Variants in KIAA0753 observed in about 807,000 individuals in gnomAD.
KIAA0753 encodes the protein protein moonraker.
Under a neutral mutation model 116.9 loss-of-function variants are expected in KIAA0753, and 114 were observed. The ratio of observed to expected loss-of-function variants is 0.98; its 90% CI spans 0.84 to 1.14. KIAA0753 has a LOEUF of 1.14. KIAA0753 is among the 50% of genes most tolerant of loss of function. The pLI is 0.00. For missense variants in KIAA0753, 1,156 were observed against 1,172.4 expected (o/e 0.99, Z 0.20); for synonymous variants, 405 against 413.1 (o/e 0.98, Z 0.24).
chr17:6,607,388 T>C (rs1418211163), intron 10 of KIAA0753, 118 bp from the exon 11 acceptor site: 2 of 752,022 alleles, frequency 2.7e-6, no homozygotes, highest in East Asian at 2.5e-5. Flanking sequence ...CCAGGCTCTA[T>C]TAAGCTACTC....
At chr17:6,611,067 G>T (rs1011115855) in intron 8 of KIAA0753, among the ~76,000 whole-genome samples, 2 of 152,192 alleles carry the variant, frequency 1.3e-5, no homozygotes, top group South Asian at 4.1e-4. Flanking sequence ...CTTTGGGCAA[G>T]ACCACCAAAT....
intron 12 of KIAA0753, among the ~76,000 whole-genome samples, chr17:6,601,585 T>C (rs1334973591): frequency 6.6e-6 from 1 of 152,178 alleles, no homozygotes; most frequent in East Asian, 1.9e-4. Context: ...TCAGATGGTG[T>C]TGGAATAGCC....
rs777406345 is a variant in KIAA0753, at chr17:6,607,246, A to G, written c.1854T>C (p.Thr618=). 3.7e-6 allele frequency: 6 copies of G among 1,613,974 alleles called. No homozygotes were observed. Among genetic ancestry groups the G allele is most frequent in the Non-Finnish European group, 4.2e-6 (5 of 1,180,012 alleles). The change falls in exon 11 of 19, where the codon ACT becomes ACC. Residue 618 remains threonine (T), a synonymous_variant. Coordinates refer to ENST00000361413, the MANE Select transcript of KIAA0753 (RefSeq NM_014804.3). ...CTTCTAGTTCCTTCAATCTTTTGGA[A>G]GTTTCAGCATCAAGCCAAGCGAGCC... is the stretch of plus-strand genomic sequence containing the variant. The part of the protein sequence containing the change: ...AARLAWLDAE[T]SKRLKELEEL...
chr17:6,585,683 C>T (rs1968524832), intron 18 of KIAA0753, among the ~76,000 whole-genome samples: 1 of 151,866 alleles, frequency 6.6e-6, no homozygotes, highest in Admixed American at 6.6e-5. Context: ...CTTTTTATTC[C>T]CTGGAAGTTC....
At chr17:6,630,015 A>C (rs1314817101) in intron 2 of KIAA0753, among the ~76,000 whole-genome samples, 1 of 152,082 alleles carries the variant, frequency 6.6e-6, no homozygotes, top group Non-Finnish European at 1.5e-5. Context: ...CCAGCTACTC[A>C]GGAGGCTGAG....
chr17:6,623,920 G>A (rs1451029892), intron 4 of KIAA0753: 2 of 183,126 alleles, frequency 1.1e-5, no homozygotes, highest in Non-Finnish European at 2.3e-5. Flanking sequence ...AAGTTACAGA[G>A]AGCCACTAAA....
At chr17:6,630,066 G>A (rs1162702999) in intron 2 of KIAA0753, among the ~76,000 whole-genome samples, 6 of 152,146 alleles carry the variant, frequency 3.9e-5, no homozygotes, top group South Asian at 4.1e-4. Flanking sequence ...AGGTTGCAGC[G>A]AGCTGAGACT....
intron 14 of KIAA0753, among the ~76,000 whole-genome samples, chr17:6,598,337 C>T (rs1284072585): frequency 6.6e-6 from 1 of 152,152 alleles, no homozygotes; most frequent in Non-Finnish European, 1.5e-5. Flanking sequence ...GAAGCCTCAC[C>T]TCACATCAGA....
chr17:6,628,223 T>C lies in KIAA0753; in HGVS notation c.612A>G (p.Ile204Met). The change falls in exon 3 of 19, where the codon ATA (isoleucine) becomes ATG (methionine). Residue 204 changes from isoleucine (I) to methionine (M), a missense_variant. By Grantham distance (10) the Ile-to-Met change is conservative. Coordinates refer to ENST00000361413, the MANE Select transcript of KIAA0753 (RefSeq NM_014804.3). ...GTTCACTTATGTTTTTGTGGTCACCTATCCTGGGATGAGGCTGAAGTCCCG... is the reference window on the plus strand; with the variant it reads ...GTTCACTTATGTTTTTGTGGTCACCCATCCTGGGATGAGGCTGAAGTCCCG... ...HDPGLQPHPR[I>M]GDHKNISEQK... is the part of the protein sequence containing the mutation. 1 of 1,610,562 alleles carries C rather than the reference T, an allele frequency of 6.2e-7. No homozygotes were observed. The highest frequency in any genetic ancestry group is 8.5e-7 in the Non-Finnish European group (1 of 1,177,978).
intron 2 of KIAA0753, among the ~76,000 whole-genome samples, chr17:6,634,020 G>A (rs1046185771): frequency 1.3e-5 from 2 of 151,202 alleles, no homozygotes; most frequent in African/African-American, 2.4e-5. Context: ...TGTACACATT[G>A]CAATGTGTAC....
rs1971257820 is a variant in KIAA0753 at position 6,620,720 on chromosome 17, GTAACTGTTATAGCCCAGA to G, written c.1315+50_1315+67del. 10 of 1,491,938 alleles carry G rather than the reference GTAACTGTTATAGCCCAGA, an allele frequency of 6.7e-6. No homozygotes were observed. In the East Asian group the frequency reaches 2.3e-4, roughly 34 times the overall value. 92.4% of individuals were successfully genotyped at this position (1,491,938 alleles called of 1,614,324 possible). A position where few individuals can be genotyped will look rare whatever the true frequency, so the allele number is the denominator to read the frequency against. On this transcript the variant is annotated intron_variant, in intron 7 of 18. Coordinates refer to ENST00000361413, the MANE Select transcript of KIAA0753 (RefSeq NM_014804.3). ...AAATCCTGACTTTCCCCTCAGTGCA[GTAACTGTTATAGCCCAGA>G]TAATTGTAATGAATAAAATGTCTTA...
At chr17:6,608,506 C>T (rs183079654) in intron 9 of KIAA0753, 42 bp from the exon 10 acceptor site, 25 of 1,144,132 alleles carry the variant, frequency 2.2e-5, no homozygotes, top group East Asian at 1.6e-4. Context: ...TCATTCACTC[C>T]GTATCCAATG....
At position 6,621,038 on chromosome 17, in the gene KIAA0753, G is replaced by A. The variant is rs8074991; in HGVS notation, c.1105-40C>T. On this transcript the variant is annotated intron_variant, in intron 6 of 18. Transcript: ENST00000361413. Reference sequence around the variant, plus strand: ...ATCAATTATTCTCTTAGTTTATCTCGCAAAAGTATGACTTTTAATCACAAA... The same window carrying A: ...ATCAATTATTCTCTTAGTTTATCTCACAAAAGTATGACTTTTAATCACAAA... 0.59 allele frequency: 934,220 copies of A among 1,582,370 alleles called. 279,164 individuals carry two copies. The highest frequency in any genetic ancestry group is 0.78 in the African/African-American group (58,008 of 74,356).
In KIAA0753 at chr17:6,628,542, C is replaced by T; in HGVS notation, c.293G>A (p.Ser98Asn). Residue 98 changes from serine to asparagine, a missense_variant, in exon 3 of 19, where the codon AGC becomes AAC. Physicochemically the swap from Ser to Asn is conservative, Grantham distance 46. Transcript: ENST00000361413. ...TCTTCTGGCTAGGTGGACAGCATAG[C>T]TAAGTCTCTCTTGGGATATGACGGA... is the stretch of plus-strand genomic sequence containing the variant. ...SFSVISQERL[S>N]YAVHLARRDV... The T allele has an allele frequency of 6.2e-7, 1 of 1,614,180 alleles. No individual in the cohort carries two copies. Among genetic ancestry groups the T allele is most frequent in the Non-Finnish European group, 8.5e-7 (1 of 1,180,034 alleles).
At chr17:6,599,120 C>G (rs1466937534) in intron 14 of KIAA0753, 117 bp downstream of exon 14, 2 of 706,962 alleles carry the variant, frequency 2.8e-6, no homozygotes, top group African/African-American at 1.8e-5. Flanking sequence ...AAATAATATT[C>G]ATACTTCTTG....
At chr17:6,616,384 T>C (rs1970934702) in intron 7 of KIAA0753, among the ~76,000 whole-genome samples, 4 of 151,846 alleles carry the variant, frequency 2.6e-5, no homozygotes, top group Admixed American at 2.0e-4. Flanking sequence ...CAATCTAGCC[T>C]TTTCTTAATA....
At chr17:6,579,906 G>T in intron 18 of KIAA0753, 42 bp from the exon 19 acceptor site, 1 of 1,462,286 alleles carries the variant, frequency 6.8e-7, no homozygotes, top group South Asian at 1.1e-5. Context: ...TACAAGGCCA[G>T]GCGCGGTGGC....
At chr17:6,584,177 T>C (rs1597452989) in intron 18 of KIAA0753, among the ~76,000 whole-genome samples, 1 of 42,160 alleles carries the variant, frequency 2.4e-5, no homozygotes. Context: ...CTGTCCTCTG[T>C]TCTGAAAAGG....
Position 6,628,471 on chromosome 17 carries a change from G to A in KIAA0753, c.364C>T (p.Leu122Phe). The change falls in exon 3 of 19, where the codon CTC becomes TTC. Residue 122 changes from leucine to phenylalanine, a missense_variant. Coordinates refer to ENST00000361413, the MANE Select transcript of KIAA0753 (RefSeq NM_014804.3). ...QFEKHIKEHH[L>F]RSQPQSSQKC... ...TGAGAGCTTTGAGGCTGACTTCTGA[G>A]ATGATGTTCTTTTATATGTTTTTCA... 6.2e-7 allele frequency: 1 copy of A among 1,614,190 alleles called. No homozygotes were observed. The highest frequency in any genetic ancestry group is 8.5e-7 in the Non-Finnish European group (1 of 1,180,032).
Sources: gnomAD v4.1 joint callset for allele counts (sites outside exome capture counted in the v4.1 genomes callset) on GRCh38, gnomAD v4.1.1 for gene constraint, MANE v1.5 for transcripts, NCBI Gene and HGNC (gene_info 2026-07-23, HGNC 2026-07-21) for gene names.